Variants in ZNF709 observed in about 807,000 individuals in gnomAD.
ZNF709 encodes the protein zinc finger protein 709.
In ZNF709, 15 loss-of-function variants were observed where a neutral mutation model predicts 10.6. That is an observed-to-expected ratio of 1.41 (90% CI 0.95 to 2.18). ZNF709 has a LOEUF of 2.18. Among genes scored for constraint, ZNF709 ranks in the 30% most tolerant of loss-of-function variants. ZNF709 has a pLI of 0.00. For synonymous variants in ZNF709, 194 were observed against 238.8 expected, an observed-to-expected ratio of 0.81 and a Z score of 1.73; for missense variants, 589 against 774.0, an observed-to-expected ratio of 0.76 and a Z score of 2.84.
chr19:12,480,522 A>G (rs1447994873), intron 1 of ZNF709, among the ~76,000 whole-genome samples: 1 of 152,088 alleles, frequency 6.6e-6, no homozygotes, highest in African/African-American at 2.4e-5. Context: ...TCTCTACTAA[A>G]AATACAAAAA....
chr19:12,477,356 A>C (rs746446021), intron 1 of ZNF709, among the ~76,000 whole-genome samples: 26 of 152,204 alleles, frequency 1.7e-4, no homozygotes, highest in Non-Finnish European at 3.7e-4. Flanking sequence ...ACAGGGTCTC[A>C]TTCTGTCAAG....
intron 1 of ZNF709, among the ~76,000 whole-genome samples, chr19:12,467,190 C>T (rs8100341): frequency 1.3e-5 from 2 of 152,062 alleles, no homozygotes. Context: ...GATGCAGAGC[C>T]GAAGCTGGAC....
At chr19:12,478,856 A>C (rs1163087291) in intron 1 of ZNF709, among the ~76,000 whole-genome samples, 1 of 152,216 alleles carries the variant, frequency 6.6e-6, no homozygotes, top group African/African-American at 2.4e-5. Flanking sequence ...GTGCAGCACG[A>C]GGAGAAGAGA....
chr19:12,469,824 C>T (rs947205338), intron 1 of ZNF709, among the ~76,000 whole-genome samples: 2 of 152,046 alleles, frequency 1.3e-5, no homozygotes, highest in Non-Finnish European at 2.9e-5. Flanking sequence ...CTCAGGACTG[C>T]GACCACTGTT....
At chr19:12,482,395 G>A (rs1970737095) in intron 1 of ZNF709, among the ~76,000 whole-genome samples, 1 of 150,864 alleles carries the variant, frequency 6.6e-6, no homozygotes, top group Non-Finnish European at 1.5e-5. Context: ...GGAGCCAAAG[G>A]AATGAACTCA....
At chr19:12,468,528 T>C (rs1456506138) in intron 1 of ZNF709, among the ~76,000 whole-genome samples, 1 of 151,336 alleles carries the variant, frequency 6.6e-6, no homozygotes. Flanking sequence ...CACTCCCTAA[T>C]CTCAAGTACC....
At chr19:12,482,534 C>T (rs1298487242) in intron 1 of ZNF709, among the ~76,000 whole-genome samples, 1 of 152,170 alleles carries the variant, frequency 6.6e-6, no homozygotes, top group Admixed American at 6.5e-5. Flanking sequence ...TTCATTCATC[C>T]TGTGTCCAGG....
rs1407290762 is a variant in ZNF709, at chr19:12,462,592, T to G, written c.*1404A>C. 6.6e-6 allele frequency: 1 copy of G among 152,182 alleles called. No homozygotes were observed. Among genetic ancestry groups the G allele is most frequent in the Admixed American group, 6.5e-5 (1 of 15,284 alleles). 9.4% of individuals were successfully genotyped at this position (152,182 alleles called of 1,614,324 possible). A position where few individuals can be genotyped will look rare whatever the true frequency, so the allele number is the denominator to read the frequency against. ...TTGCAGACTCAAAAATTTATTATGA[T>G]TATTTTTTAGCATAAAAAATAGAAA... On this transcript the variant is annotated 3_prime_UTR_variant, in exon 4 of 4. Transcript: ENST00000397732.
rs774781699 is a variant in ZNF709 at position 12,465,502 on chromosome 19, A to G, written c.420T>C (p.Tyr140=). 1.9e-6 allele frequency: 3 copies of G among 1,610,200 alleles called. No individual in the cohort carries two copies. Among genetic ancestry groups the G allele is most frequent in the Non-Finnish European group, 2.5e-6 (3 of 1,178,772 alleles). The change falls in exon 4 of 4, where the codon TAT becomes TAC. Residue 140 remains tyrosine, a synonymous_variant. Transcript: ENST00000397732. Reference sequence around the variant, plus strand: ...ATCTTTTCCCACATTCCTTACATTCATATGATTTCTCTCCATATTTGTGAT... The same window carrying G: ...ATCTTTTCCCACATTCCTTACATTCGTATGATTTCTCTCCATATTTGTGAT... ...YEYHKYGEKS[Y]ECKECGKRFS...
At position 12,484,758 on chromosome 19, in the gene ZNF709, G is replaced by C. The variant is rs541775575; in HGVS notation, c.-101C>G. On this transcript the variant is annotated 5_prime_UTR_variant, in exon 1 of 4. Transcript: ENST00000397732. ...CCCTTCCTCCACCTGAGGGCCTTCT[G>C]GGGTGAGGAGACCCCAGAGCGGAGC... The C allele has an allele frequency of 1.1e-5, 17 of 1,529,396 alleles. No homozygotes were observed. The African/African-American group carries it at 2.2e-4, about 20-fold the overall frequency. The allele number at this position is 1,529,396 out of a possible 1,614,324, so 94.7% of individuals were successfully genotyped here. A position where few individuals can be genotyped will look rare whatever the true frequency, so the allele number is the denominator to read the frequency against.
chr19:12,467,742 T>TA (rs1026318790), intron 1 of ZNF709, among the ~76,000 whole-genome samples: 1 of 149,840 alleles, frequency 6.7e-6, no homozygotes, highest in Non-Finnish European at 1.5e-5. Flanking sequence ...GGGGAGCGCC[T>TA]CTGCCCCGCC....
Position 12,479,374 on chromosome 19 carries a change from C to T in ZNF709, c.3+5281G>A, listed in dbSNP as rs189344399. Among the ~76,000 whole-genome samples the T allele has an allele frequency of 7.9e-5, 12 of 152,208 alleles. No homozygotes were observed. The East Asian group carries it at 2.1e-3, about 27-fold the overall frequency. ...GAGCAAGTGCCCTGGCTGGACTGGA[C>T]CAGAATATGCTGGCAGTGAGTCTTT... On this transcript the variant is annotated intron_variant, in intron 1 of 3. Coordinates refer to ENST00000397732, the MANE Select transcript of ZNF709 (RefSeq NM_152601.4).
chr19:12,476,219 C>T (rs1275691778), intron 1 of ZNF709, among the ~76,000 whole-genome samples: 1 of 151,906 alleles, frequency 6.6e-6, no homozygotes, highest in Non-Finnish European at 1.5e-5. Flanking sequence ...AAGTAGGACC[C>T]CATCTCTACA....
At chr19:12,473,954 G>T (rs1226785798) in intron 1 of ZNF709, among the ~76,000 whole-genome samples, 2 of 152,238 alleles carry the variant, frequency 1.3e-5, no homozygotes, top group Admixed American at 1.3e-4. Context: ...GCTGGGACAG[G>T]AGGATTGCTT....
chr19:12,470,139 G>A lies in ZNF709; in HGVS notation c.4-3289C>T, dbSNP rs756322430. The stretch of plus-strand genomic sequence containing the variant: ...CCAACGTCTCTCATTTTAGGCTCCC[G>A]TGAGGTACGTGGTGGCATGAGATCC... On this transcript the variant is annotated intron_variant, in intron 1 of 3. Transcript: ENST00000397732. 4.1e-4 allele frequency among the ~76,000 whole-genome samples: 62 copies of A among 152,110 alleles called. 1 individual carries two copies. The highest frequency in any genetic ancestry group is 7.3e-5 in the Non-Finnish European group (5 of 68,028).
intron 1 of ZNF709, among the ~76,000 whole-genome samples, chr19:12,474,291 T>A (rs1452163403): frequency 1.3e-5 from 2 of 152,236 alleles, no homozygotes; most frequent in African/African-American, 4.8e-5. Flanking sequence ...CTACAAAGAA[T>A]GTGCCTTTCT....
Position 12,465,454 on chromosome 19 carries a change from T to C in ZNF709, c.468A>G (p.Arg156=). ...GKRFSFRSSF[R]IHERTHTGEK... is the part of the protein sequence containing the mutation. ...CTCCAGTGTGAGTTCTTTCATGTATTCGAAATGAACTTCGAAAGCTGAATC... is the reference window on the plus strand; with the variant it reads ...CTCCAGTGTGAGTTCTTTCATGTATCCGAAATGAACTTCGAAAGCTGAATC... Residue 156 remains arginine, a synonymous_variant, in exon 4 of 4, where the codon CGA becomes CGG. Transcript: ENST00000397732. 2 of 1,611,252 alleles carry C rather than the reference T, an allele frequency of 1.2e-6. No homozygotes were observed. Among genetic ancestry groups the C allele is most frequent in the Non-Finnish European group, 1.7e-6 (2 of 1,179,048 alleles).
At chr19:12,484,520 G>A (rs1283433072) in intron 1 of ZNF709, 135 bp downstream of exon 1, 10 of 1,228,938 alleles carry the variant, frequency 8.1e-6, no homozygotes, top group Non-Finnish European at 1.1e-5. Context: ...CGAGGGCCGA[G>A]CTGCGCCAGG....
intron 3 of ZNF709, 25 bp from the exon 4 acceptor site, chr19:12,465,758 C>T (rs768715262): frequency 1.8e-4 from 263 of 1,457,740 alleles, no homozygotes; most frequent in Middle Eastern, 1.2e-3. Context: ...CAAAACAAAA[C>T]GCACAATTAG....
Sources: gnomAD v4.1 joint callset for allele counts (sites outside exome capture counted in the v4.1 genomes callset) on GRCh38, gnomAD v4.1.1 for gene constraint, MANE v1.5 for transcripts, NCBI Gene and HGNC (gene_info 2026-07-23, HGNC 2026-07-21) for gene names.